The following GALNTL6 variants were observed in gnomAD, a reference collection of about 807,000 sequenced individuals.
GALNTL6 encodes polypeptide N-acetylgalactosaminyltransferase-like 6.
Under a neutral mutation model 73.7 loss-of-function variants are expected in GALNTL6, and 46 were observed. The observed-to-expected ratio is 0.62, with a 90% CI of 0.49 to 0.80. The LOEUF (loss-of-function observed/expected upper bound fraction) is 0.80, where lower values mean the gene tolerates loss of function less well. Ranked by LOEUF, GALNTL6 falls within the 30% of genes least tolerant of loss-of-function variation. The pLI, the probability that GALNTL6 is intolerant of heterozygous loss-of-function variation, is 0.00. For missense variants in GALNTL6, 604 were observed against 755.0 expected, an observed-to-expected ratio of 0.80 and a Z score of 2.34; for synonymous variants, 259 against 263.7, an observed-to-expected ratio of 0.98 and a Z score of 0.17.
intron 5 of GALNTL6, among the ~76,000 whole-genome samples, chr4:172,376,379 G>A (rs529684802): frequency 1.3e-5 from 2 of 152,080 alleles, no homozygotes; most frequent in Non-Finnish European, 2.9e-5. Flanking sequence ...TCTGCTCATG[G>A]CCGCATGGTC....
intron 2 of GALNTL6, among the ~76,000 whole-genome samples, chr4:171,941,418 T>G (rs1252050477): frequency 2.0e-5 from 3 of 152,244 alleles, no homozygotes; most frequent in African/African-American, 7.2e-5. Flanking sequence ...TGGTGCATTT[T>G]CCCCCTTGAT....
At chr4:172,303,303 C>T (rs577279932) in intron 3 of GALNTL6, among the ~76,000 whole-genome samples, 1 of 152,138 alleles carries the variant, frequency 6.6e-6, no homozygotes, top group South Asian at 2.1e-4. Context: ...TGGCATTACC[C>T]TAGAGATGTC....
chr4:172,746,743 A>G (rs1737129226), intron 5 of GALNTL6, among the ~76,000 whole-genome samples: 1 of 152,144 alleles, frequency 6.6e-6, no homozygotes, highest in Non-Finnish European at 1.5e-5. Context: ...CTAACATCAT[A>G]CTTAATGGTG....
At chr4:172,948,618 A>ATTTTTTT (rs369982668) in intron 9 of GALNTL6, among the ~76,000 whole-genome samples, 1 of 136,542 alleles carries the variant, frequency 7.3e-6, no homozygotes. Flanking sequence ...AGCCTCGCTA[A>ATTTTTTT]TTTTTTTTTT....
chr4:171,953,225 C>CGT (rs36214606), intron 2 of GALNTL6, among the ~76,000 whole-genome samples: 23,570 of 146,926 alleles, frequency 0.16, 1,906 homozygotes, highest in African/African-American at 0.18. Flanking sequence ...CGCATGCGCA[C>CGT]GTGTGTGTGT....
At chr4:172,218,677 T>A (rs1431179717) in intron 2 of GALNTL6, among the ~76,000 whole-genome samples, 2 of 152,048 alleles carry the variant, frequency 1.3e-5, no homozygotes, top group Non-Finnish European at 2.9e-5. Flanking sequence ...TTTATTCTTG[T>A]AAGGACAAGA....
chr4:172,044,156 C>T (rs1453435340), intron 2 of GALNTL6, among the ~76,000 whole-genome samples: 1 of 151,826 alleles, frequency 6.6e-6, no homozygotes, highest in Non-Finnish European at 1.5e-5. Flanking sequence ...TAGTCTCACC[C>T]AATTTTAACA....
Position 171,891,271 on chromosome 4 carries a change from G to A in GALNTL6, c.138+76553G>A, listed in dbSNP as rs74646359. On this transcript the variant is annotated intron_variant, in intron 2 of 12. Transcript: ENST00000506823. Reference sequence around the variant, plus strand: ...AAACATTTTCTTTCAGACCACTGGAGGCACATATCTAGGGTAACCAAGGCA... The same window carrying A: ...AAACATTTTCTTTCAGACCACTGGAAGCACATATCTAGGGTAACCAAGGCA... 1.4e-3 allele frequency among the ~76,000 whole-genome samples: 216 copies of A among 152,272 alleles called. 1 individual carries two copies. Among genetic ancestry groups the A allele is most frequent in the Admixed American group, 9.7e-3 (148 of 15,300 alleles).
rs189590533 is a variant in GALNTL6, at chr4:172,268,181, T to C, written c.247+38417T>C. On this transcript the variant is annotated intron_variant, in intron 3 of 12. Transcript: ENST00000506823. Reference sequence around the variant, plus strand: ...ACTACACAATAAGTCTGCTATGTTATTGCCAAATATATCAAATCCTACATT... The same window carrying C: ...ACTACACAATAAGTCTGCTATGTTACTGCCAAATATATCAAATCCTACATT... Among the ~76,000 whole-genome samples the C allele has an allele frequency of 7.4e-4, 113 of 152,316 alleles. 1 individual carries two copies. The highest frequency in any genetic ancestry group is 2.7e-3 in the African/African-American group (112 of 41,584).
intron 10 of GALNTL6, among the ~76,000 whole-genome samples, chr4:172,981,102 A>G (rs138739746): frequency 6.5e-4 from 99 of 152,320 alleles, no homozygotes; most frequent in South Asian, 2.1e-3. Context: ...CCATCTGTCA[A>G]TGGACACTTG....
chr4:172,993,385 CTT>C (rs550121027), intron 10 of GALNTL6, among the ~76,000 whole-genome samples: 142 of 152,334 alleles, frequency 9.3e-4, no homozygotes, highest in African/African-American at 3.2e-3. Flanking sequence ...GAGAATCTCT[CTT>C]GTTTAAGCCA....
At chr4:172,344,175 C>T (rs1206354943) in intron 4 of GALNTL6, among the ~76,000 whole-genome samples, 1 of 152,106 alleles carries the variant, frequency 6.6e-6, no homozygotes, top group Admixed American at 6.5e-5. Context: ...AAGTCAGTTC[C>T]ATATTGGTAC....
intron 2 of GALNTL6, among the ~76,000 whole-genome samples, chr4:172,002,819 C>T (rs1017618221): frequency 1.3e-5 from 2 of 152,060 alleles, no homozygotes; most frequent in Non-Finnish European, 1.5e-5. Flanking sequence ...AGATGGAGCT[C>T]CCACAGAACA....
Position 172,108,176 on chromosome 4 carries a change from G to A in GALNTL6, c.139-121480G>A, listed in dbSNP as rs559823627. Among the ~76,000 whole-genome samples, 346 of 152,226 alleles carry A rather than the reference G, an allele frequency of 2.3e-3. 3 individuals carry two copies. The highest frequency in any genetic ancestry group is 0.016 in the South Asian group (77 of 4,816). ...TTAGATAGTTCATTTTGTGTGTCTA[G>A]GAAAATAAAACATATGAGTGTCATT... is the stretch of plus-strand genomic sequence containing the variant. On this transcript the variant is annotated intron_variant, in intron 2 of 12. Coordinates refer to ENST00000506823, the MANE Select transcript of GALNTL6 (RefSeq NM_001034845.3).
At chr4:172,377,166 G>A (rs1193806952) in intron 5 of GALNTL6, among the ~76,000 whole-genome samples, 1 of 152,144 alleles carries the variant, frequency 6.6e-6, no homozygotes, top group African/African-American at 2.4e-5. Context: ...GAGCTGATTG[G>A]TCCATTTTAC....
chr4:172,957,299 G>T (rs895984347), intron 10 of GALNTL6, among the ~76,000 whole-genome samples: 14 of 152,176 alleles, frequency 9.2e-5, no homozygotes, highest in Non-Finnish European at 1.8e-4. Context: ...CTAGTGGCTT[G>T]TAACCTACAT....
At chr4:172,661,534 A>G (rs1014045596) in intron 5 of GALNTL6, among the ~76,000 whole-genome samples, 1 of 152,106 alleles carries the variant, frequency 6.6e-6, no homozygotes, top group Non-Finnish European at 1.5e-5. Flanking sequence ...AGTTACATTA[A>G]TGGAATAGTT....
intron 7 of GALNTL6, 22 bp downstream of exon 7, chr4:172,813,745 G>T (rs374461190): frequency 4.4e-6 from 7 of 1,573,760 alleles, no homozygotes; most frequent in Non-Finnish European, 6.1e-6. Flanking sequence ...CCAAGGGAGG[G>T]GCCGAGGGGG....
At chr4:171,939,368 G>A (rs1008954850) in intron 2 of GALNTL6, among the ~76,000 whole-genome samples, 2 of 151,198 alleles carry the variant, frequency 1.3e-5, no homozygotes, top group Non-Finnish European at 3.0e-5. Context: ...ACTATTCTTG[G>A]GTATTAGATA....
Sources: gnomAD v4.1 joint callset for allele counts (sites outside exome capture counted in the v4.1 genomes callset) on GRCh38, gnomAD v4.1.1 for gene constraint, MANE v1.5 for transcripts, NCBI Gene and HGNC (gene_info 2026-07-23, HGNC 2026-07-21) for gene names.